The following EYS variants were observed in gnomAD, a reference collection of about 807,000 sequenced individuals.
The protein encoded by EYS is protein eyes shut homolog.
Under a neutral mutation model 282.1 loss-of-function variants are expected in EYS, and 250 were observed. That is an observed-to-expected ratio of 0.89 (90% CI 0.80 to 0.98). EYS has a LOEUF of 0.98. Among genes scored for constraint, EYS ranks in the 50% least tolerant of loss-of-function variants. The pLI is 0.00. For synonymous variants in EYS, 1,355 were observed against 1,282.9 expected, an observed-to-expected ratio of 1.06 and a Z score of -1.20; for missense variants, 4,016 against 3,709.0, an observed-to-expected ratio of 1.08 and a Z score of -2.15.
chr6:64,187,965 A>ATG (rs1289327415), intron 31 of EYS, among the ~76,000 whole-genome samples: 2 of 152,150 alleles, frequency 1.3e-5, no homozygotes, highest in Admixed American at 1.3e-4. Flanking sequence ...CAGCAAGAAA[A>ATG]TGTGATTACT....
intron 22 of EYS, among the ~76,000 whole-genome samples, chr6:64,735,011 A>G (rs958835288): frequency 2.6e-5 from 4 of 152,162 alleles, no homozygotes; most frequent in African/African-American, 9.7e-5. Flanking sequence ...TTAAGACATA[A>G]TATGCACTAT....
At chr6:65,500,404 T>A (rs1328378624) in intron 2 of EYS, among the ~76,000 whole-genome samples, 1 of 152,028 alleles carries the variant, frequency 6.6e-6, no homozygotes, top group Non-Finnish European at 1.5e-5. Flanking sequence ...GGCACTTTTA[T>A]AAATTATGAA....
chr6:64,578,621 G>GGT (rs148608224), intron 26 of EYS, among the ~76,000 whole-genome samples: 15 of 145,418 alleles, frequency 1.0e-4, no homozygotes, highest in African/African-American at 2.1e-4. Context: ...GTGTGTGTGT[G>GGT]GTGTGTGTGT....
intron 11 of EYS, among the ~76,000 whole-genome samples, chr6:65,322,209 A>G (rs1769494477): frequency 6.6e-6 from 1 of 152,166 alleles, no homozygotes; most frequent in African/African-American, 2.4e-5. Flanking sequence ...AATTATCCAG[A>G]CGTATCCACA....
intron 12 of EYS, among the ~76,000 whole-genome samples, chr6:65,280,881 T>C (rs1768200469): frequency 6.8e-6 from 1 of 146,820 alleles, no homozygotes; most frequent in Non-Finnish European, 1.5e-5. Context: ...TATATATATA[T>C]ATAAATCAGC....
intron 26 of EYS, among the ~76,000 whole-genome samples, chr6:64,449,105 T>TA (rs758213959): frequency 1.9e-3 from 295 of 151,376 alleles, no homozygotes; most frequent in Non-Finnish European, 2.9e-3. Context: ...ATAAAAACTT[T>TA]AAAAAAAAAT....
intron 1 of EYS, among the ~76,000 whole-genome samples, chr6:65,677,551 A>G (rs1187907915): frequency 6.6e-6 from 1 of 152,044 alleles, no homozygotes; most frequent in African/African-American, 2.4e-5. Flanking sequence ...GAAAGAAATT[A>G]AAGGAGACAC....
intron 26 of EYS, among the ~76,000 whole-genome samples, chr6:64,539,159 A>C (rs1423274545): frequency 6.6e-6 from 1 of 152,284 alleles, no homozygotes; most frequent in South Asian, 2.1e-4. Flanking sequence ...AAGATGAAGA[A>C]GTTTTGGAGA....
chr6:64,653,126 A>G (rs1354456056), intron 22 of EYS, among the ~76,000 whole-genome samples: 1 of 152,118 alleles, frequency 6.6e-6, no homozygotes, highest in Non-Finnish European at 1.5e-5. Context: ...ATTGGGCTAA[A>G]TGGAGAGAAA....
intron 2 of EYS, among the ~76,000 whole-genome samples, chr6:65,550,163 T>C (rs1426709095): frequency 1.1e-4 from 1 of 9,252 alleles, no homozygotes; most frequent in Non-Finnish European, 1.4e-4. Flanking sequence ...TTTTTTTTTT[T>C]TTTTTTTTTT....
intron 12 of EYS, among the ~76,000 whole-genome samples, chr6:65,256,488 C>T (rs1767470436): frequency 7.9e-6 from 1 of 125,984 alleles, no homozygotes; most frequent in Non-Finnish European, 1.6e-5. Flanking sequence ...TCTCATTGTT[C>T]AATTCCCACC....
At chr6:63,810,180 G>C (rs1771009413) in intron 36 of EYS, among the ~76,000 whole-genome samples, 1 of 149,020 alleles carries the variant, frequency 6.7e-6, no homozygotes, top group Non-Finnish European at 1.5e-5. Flanking sequence ...AAAATCACTT[G>C]AATCCGCGAG....
intron 12 of EYS, among the ~76,000 whole-genome samples, chr6:65,110,588 C>T (rs1022983886): frequency 4.6e-5 from 7 of 151,948 alleles, no homozygotes; most frequent in Non-Finnish European, 1.0e-4. Context: ...TAGAGATAAT[C>T]ATTTTTCCAC....
At chr6:64,292,016 T>C (rs1768733476) in intron 30 of EYS, among the ~76,000 whole-genome samples, 1 of 152,146 alleles carries the variant, frequency 6.6e-6, no homozygotes, top group Non-Finnish European at 1.5e-5. Flanking sequence ...AATATTATTG[T>C]CTCCACTTTA....
chr6:64,980,379 T>C (rs1235613072), intron 14 of EYS, among the ~76,000 whole-genome samples: 4 of 151,464 alleles, frequency 2.6e-5, no homozygotes, highest in African/African-American at 9.7e-5. Context: ...TGTGATAAGA[T>C]TGATCATATT....
intron 22 of EYS, among the ~76,000 whole-genome samples, chr6:64,639,770 G>T (rs1768066614): frequency 1.1e-5 from 1 of 91,232 alleles, no homozygotes; most frequent in Admixed American, 1.2e-4. Flanking sequence ...CCATCAGAGT[G>T]AACAGGCAAC....
intron 19 of EYS, among the ~76,000 whole-genome samples, chr6:64,857,152 C>G (rs560724762): frequency 1.2e-4 from 19 of 152,170 alleles, no homozygotes; most frequent in African/African-American, 4.6e-4. Flanking sequence ...TCCAACAATA[C>G]CATAATAAAG....
intron 22 of EYS, among the ~76,000 whole-genome samples, chr6:64,700,800 C>CA (rs1770758908): frequency 6.6e-6 from 1 of 151,820 alleles, no homozygotes; most frequent in African/African-American, 2.4e-5. Flanking sequence ...CCACACTATC[C>CA]AAAGCAAAGT....
Position 65,478,624 on chromosome 6 carries a change from T to C in EYS, c.862+11970A>G, listed in dbSNP as rs1452128241. On this transcript the variant is annotated intron_variant, in intron 5 of 42. Coordinates refer to ENST00000503581, the MANE Select transcript of EYS (RefSeq NM_001142800.2). ...TCATTTTTAAACAATTACCAAATTA[T>C]AGTGAAGTCAGGACCACTTTACAAG... 3.3e-5 allele frequency among the ~76,000 whole-genome samples: 5 copies of C among 152,168 alleles called. No homozygotes were observed. In the East Asian group the frequency reaches 5.8e-4, roughly 18 times the overall value.
Sources: allele counts gnomAD v4.1 joint callset (sites outside exome capture counted in the v4.1 genomes callset), GRCh38; gene constraint gnomAD v4.1.1; transcripts MANE v1.5; gene names NCBI Gene and HGNC (gene_info 2026-07-23, HGNC 2026-07-21).